ATRX: variants seen among roughly 807,000 people sequenced by gnomAD.
The protein encoded by ATRX is ATRX chromatin remodeler, also known as chromatin remodeler ATRX.
ATRX carries 12 observed loss-of-function variants against 172.6 expected under a neutral mutation model. The ratio of observed to expected loss-of-function variants is 0.07; its 90% confidence interval spans 0.04 to 0.11. ATRX has a LOEUF of 0.11. Ranked by LOEUF, ATRX falls within the 10% of genes least tolerant of loss-of-function variation. The pLI is 1.00. For synonymous variants in ATRX, 674 were observed against 594.7 expected, an observed-to-expected ratio of 1.13 and a Z score of -1.94; for missense variants, 1,368 against 1,767.4, an observed-to-expected ratio of 0.77 and a Z score of 4.05.
intron 10 of ATRX, among the ~76,000 whole-genome samples, chrX:77,671,168 ATATATATATATAT>A (rs1288760928): frequency 1.1e-3 from 9 of 8,521 alleles, no homozygotes; most frequent in Non-Finnish European, 2.4e-3. Context: ...AAAAAAAAAA[ATATATATATATAT>A]ATATATATAT....
At chrX:77,692,846 AGTGTGTGTGTGT>A (rs3063059) in intron 6 of ATRX, among the ~76,000 whole-genome samples, 56 of 82,098 alleles carry the variant, frequency 6.8e-4, no homozygotes, top group South Asian at 3.7e-3. Flanking sequence ...CCAATATTAG[AGTGTGTGTGTGT>A]GTGTGTGTGT....
rs1019134575 is a variant in ATRX at position 77,554,700 on chromosome X, C to G, written c.6699+2751G>C. On this transcript the variant is annotated intron_variant, in intron 30 of 34. Transcript: ENST00000373344. ...ACCATCTTTTATAGGCCAACCAAGT[C>G]TGATTTTTCTCCCATCAAAATTGTA... Among the ~76,000 whole-genome samples the G allele has an allele frequency of 2.7e-5, 3 of 111,728 alleles. No homozygotes were observed. The Admixed American group carries it at 2.9e-4, about 11-fold the overall frequency.
At chrX:77,565,556 A>G (rs2065168082) in intron 28 of ATRX, among the ~76,000 whole-genome samples, 1 of 112,295 alleles carries the variant, frequency 8.9e-6, no homozygotes, top group African/African-American at 3.2e-5. Flanking sequence ...ATAAAAAAAG[A>G]ATCAACTGAA....
In ATRX at chrX:77,715,590, T is replaced by C. The variant is rs782668340; in HGVS notation, c.133+1541A>G. ...GTTAAGTGAGCTGCCAGTGTTACTG[T>C]TATTCCTTTGAAAATAATGTATTTT... On this transcript the variant is annotated intron_variant, in intron 2 of 34. Coordinates refer to ENST00000373344, the MANE Select transcript of ATRX (RefSeq NM_000489.6). Among the ~76,000 whole-genome samples the C allele has an allele frequency of 6.0e-4, 67 of 112,545 alleles. 1 individual carries two copies. The highest frequency in any genetic ancestry group is 1.1e-3 in the South Asian group (3 of 2,751).
At position 77,688,800 on chromosome X, in the gene ATRX, C is replaced by T. The variant is rs1557145462; in HGVS notation, c.594+18G>A. ...TTCAAATATTTACGGTATGAAATAT[C>T]AACAGATCATTACATACCTTACAAA... On this transcript the variant is annotated intron_variant, in intron 7 of 34. Coordinates refer to ENST00000373344, the MANE Select transcript of ATRX (RefSeq NM_000489.6). The T allele has an allele frequency of 8.9e-7, 1 of 1,127,336 alleles. No individual in the cohort carries two copies. The highest frequency in any genetic ancestry group is 1.8e-5 in the South Asian group (1 of 55,230). The allele number at this position is 1,127,336 out of a possible 1,213,427, so 92.9% of individuals were successfully genotyped here. A position where few individuals can be genotyped will look rare whatever the true frequency, so the allele number is the denominator to read the frequency against.
intron 19 of ATRX, among the ~76,000 whole-genome samples, chrX:77,627,400 A>G (rs1456029228): frequency 7.2e-5 from 8 of 111,689 alleles, no homozygotes; most frequent in Admixed American, 3.8e-4. Flanking sequence ...CTAACATAAA[A>G]AATTAAAAAT....
intron 30 of ATRX, among the ~76,000 whole-genome samples, chrX:77,545,250 T>C (rs782329086): frequency 8.9e-6 from 1 of 111,879 alleles, no homozygotes; most frequent in South Asian, 3.7e-4. Flanking sequence ...TGGACGAAAC[T>C]ACTCCCATGG....
chrX:77,642,300 G>A (rs781954251), intron 15 of ATRX, among the ~76,000 whole-genome samples: 4 of 111,784 alleles, frequency 3.6e-5, no homozygotes, highest in South Asian at 3.7e-4. Context: ...TTCAATTTCC[G>A]AAAGCCAGAC....
At position 77,664,797 on chromosome X, in the gene ATRX, T is replaced by C. The variant is rs2070143943; in HGVS notation, c.3810-19A>G. 1.7e-6 allele frequency: 2 copies of C among 1,178,947 alleles called. No individual in the cohort carries two copies. The highest frequency in any genetic ancestry group is 2.3e-5 in the Admixed American group (1 of 43,753). ...GGCAATTCTTGAGAGTAAAAAACAA[T>C]AAAAAAAGAACTATATATCTGGGGG... On this transcript the variant is annotated intron_variant, in intron 10 of 34. Transcript: ENST00000373344.
intron 15 of ATRX, chrX:77,651,837 T>G: frequency 3.2e-6 from 1 of 317,331 alleles, no homozygotes; most frequent in East Asian, 6.0e-5. Flanking sequence ...CCAGCCTGGG[T>G]AACAGAGCCA....
chrX:77,543,952 T>C (rs1233803741), intron 30 of ATRX, among the ~76,000 whole-genome samples: 3 of 49,016 alleles, frequency 6.1e-5, no homozygotes, highest in African/African-American at 2.0e-4. Context: ...GAACTTAGAA[T>C]ATTAAATATA....
chrX:77,686,740 A>G (rs1375580372), intron 7 of ATRX, among the ~76,000 whole-genome samples: 1 of 110,613 alleles, frequency 9.0e-6, no homozygotes, highest in African/African-American at 3.3e-5. Context: ...AATAAAATAA[A>G]CACTGCTACC....
intron 30 of ATRX, among the ~76,000 whole-genome samples, chrX:77,537,236 G>T (rs1677535900): frequency 9.0e-6 from 1 of 111,315 alleles, no homozygotes; most frequent in African/African-American, 3.3e-5. Flanking sequence ...ATATAAAATG[G>T]GCTACTAAGC....
rs3027524 is a variant in ATRX at position 77,508,138 on chromosome X, G to A, written c.*213C>T. 995 of 421,363 alleles carry A rather than the reference G, an allele frequency of 2.4e-3. 12 individuals carry two copies. Among genetic ancestry groups the A allele is most frequent in the African/African-American group, 0.022 (865 of 39,563 alleles). The allele number at this position is 421,363 out of a possible 1,213,427, so 34.7% of individuals were successfully genotyped here. On this transcript the variant is annotated 3_prime_UTR_variant, in exon 35 of 35. Transcript: ENST00000373344. ...ATTTGAAATATCTTCTGTACTCAGC[G>A]TGTGTAAGAAGATTCTAGGCAACAT...
chrX:77,510,910 A>C (rs1557036255), intron 34 of ATRX, among the ~76,000 whole-genome samples: 1 of 112,691 alleles, frequency 8.9e-6, no homozygotes, highest in Admixed American at 9.3e-5. Context: ...TGGCTTTGCC[A>C]CCTGATGAAT....
rs1424480831 is a variant in ATRX at position 77,671,167 on chromosome X, A to AAATATATAT, written c.3809+5058_3809+5059insATATATATT. Among the ~76,000 whole-genome samples the AAATATATAT allele has an allele frequency of 6.2e-3, 98 of 15,737 alleles. 5 individuals are homozygous for AAATATATAT. Among genetic ancestry groups the AAATATATAT allele is most frequent in the Non-Finnish European group, 6.8e-3 (59 of 8,655 alleles). The allele number at this position is 15,737 out of a possible 115,157, so 13.7% of individuals were successfully genotyped here. On this transcript the variant is annotated intron_variant, in intron 10 of 34. Transcript: ENST00000373344. ...TGTCTCAAAAAAAAAAAAAAAAAAA[A>AAATATATAT]ATATATATATATATATATATATATA...
At chrX:77,671,957 A>T (rs1458098088) in intron 10 of ATRX, among the ~76,000 whole-genome samples, 1 of 111,031 alleles carries the variant, frequency 9.0e-6, no homozygotes, top group Non-Finnish European at 1.9e-5. Context: ...AAAGAAAGCC[A>T]GTAACAACTA....
At chrX:77,749,245 C>T (rs1195038785) in intron 1 of ATRX, among the ~76,000 whole-genome samples, 2 of 111,138 alleles carry the variant, frequency 1.8e-5, no homozygotes, top group African/African-American at 3.3e-5. Flanking sequence ...TAATGGCCTC[C>T]AGTCCCATCC....
intron 2 of ATRX, among the ~76,000 whole-genome samples, chrX:77,710,210 A>G (rs1557159998): frequency 9.1e-6 from 1 of 109,497 alleles, no homozygotes; most frequent in Non-Finnish European, 1.9e-5. Context: ...GAAGCAGGAG[A>G]ATCACTTGAA....
Sources: allele counts gnomAD v4.1 joint callset (sites outside exome capture counted in the v4.1 genomes callset), GRCh38; gene constraint gnomAD v4.1.1; transcripts MANE v1.5; gene names NCBI Gene and HGNC (gene_info 2026-07-23, HGNC 2026-07-21).